The following AFG1L variants were observed in gnomAD, a reference collection of about 807,000 sequenced individuals.
AFG1L encodes the protein AFG1-like ATPase.
AFG1L carries 53 observed loss-of-function variants against 62.2 expected under a neutral mutation model. That is an observed-to-expected ratio of 0.85 (90% CI 0.68 to 1.07). The LOEUF (loss-of-function observed/expected upper bound fraction) is 1.07, where lower values mean the gene tolerates loss of function less well. Among genes scored for constraint, AFG1L ranks in the 50% least tolerant of loss-of-function variants. The pLI is 0.00. For missense variants in AFG1L, 555 were observed against 590.5 expected (o/e 0.94, Z 0.62); for synonymous variants, 228 against 210.3 (o/e 1.08, Z -0.73).
chr6:108,441,693 G>T (rs1406483944), intron 7 of AFG1L, among the ~76,000 whole-genome samples: 1 of 125,400 alleles, frequency 8.0e-6, no homozygotes, highest in African/African-American at 3.7e-5. Flanking sequence ...GAAAATCTGA[G>T]GTTTATTTAA....
chr6:108,427,638 C>T (rs1174629470), intron 7 of AFG1L, among the ~76,000 whole-genome samples: 1 of 151,028 alleles, frequency 6.6e-6, no homozygotes, highest in Non-Finnish European at 1.5e-5. Context: ...TCCCTTGCCT[C>T]AGCCTCCTGA....
chr6:108,345,137 T>C (rs1456074801), intron 2 of AFG1L, among the ~76,000 whole-genome samples: 1 of 152,178 alleles, frequency 6.6e-6, no homozygotes, highest in Non-Finnish European at 1.5e-5. Flanking sequence ...TAGGAAATCA[T>C]TTTTCCTCAA....
At chr6:108,498,664 A>C (rs995608595) in intron 10 of AFG1L, among the ~76,000 whole-genome samples, 4 of 152,234 alleles carry the variant, frequency 2.6e-5, no homozygotes, top group African/African-American at 9.6e-5. Flanking sequence ...GAAGAAAAAT[A>C]AACTTACAAA....
chr6:108,387,485 T>G (rs953404311), intron 6 of AFG1L: 5 of 152,324 alleles, frequency 3.3e-5, no homozygotes, highest in Non-Finnish European at 5.9e-5. Context: ...CTGGCAGAAC[T>G]AGGCCTGTGT....
intron 7 of AFG1L, among the ~76,000 whole-genome samples, chr6:108,425,156 C>T (rs75418998): frequency 0.017 from 2,612 of 152,202 alleles, 38 homozygotes; most frequent in Non-Finnish European, 0.027. Flanking sequence ...AAAGGGATGG[C>T]ACTCTAGGTT....
intron 5 of AFG1L, among the ~76,000 whole-genome samples, chr6:108,358,551 A>T (rs897591034): frequency 1.3e-5 from 2 of 151,782 alleles, no homozygotes; most frequent in African/African-American, 4.8e-5. Context: ...ATTTTTTTTG[A>T]GATGGAGTTT....
At chr6:108,395,403 C>CTTTTTTT (rs71551344) in intron 6 of AFG1L, among the ~76,000 whole-genome samples, 100 of 122,900 alleles carry the variant, frequency 8.1e-4, no homozygotes, top group African/African-American at 1.7e-3. Context: ...CTTTTCTTTT[C>CTTTTTTT]TTTTTTTTTT....
At position 108,524,421 on chromosome 6, in the gene AFG1L, A is replaced by G. The variant is rs941860051; in HGVS notation, c.*1996A>G. 2.0e-5 allele frequency: 3 copies of G among 152,256 alleles called. No individual in the cohort carries two copies. The highest frequency in any genetic ancestry group is 7.2e-5 in the African/African-American group (3 of 41,464). The allele number at this position is 152,256 out of a possible 1,614,324, so 9.4% of individuals were successfully genotyped here. A position where few individuals can be genotyped will look rare whatever the true frequency, so the allele number is the denominator to read the frequency against. ...CTGTCAAGTTATGTTATAAAAGTTC[A>G]TCTGAGGTCAGATATTGGGAATAAA... On this transcript the variant is annotated 3_prime_UTR_variant, in exon 13 of 13. Transcript: ENST00000368977.
chr6:108,400,494 A>G (rs961503384), intron 6 of AFG1L, among the ~76,000 whole-genome samples: 5 of 147,188 alleles, frequency 3.4e-5, no homozygotes, highest in Admixed American at 2.8e-4. Flanking sequence ...TTTTTAGGCA[A>G]TTTCACTTAA....
chr6:108,374,047 G>A (rs1200064107), intron 6 of AFG1L, among the ~76,000 whole-genome samples: 1 of 152,112 alleles, frequency 6.6e-6, no homozygotes, highest in African/African-American at 2.4e-5. Context: ...GTGTGAGATG[G>A]TATCTCATTG....
At chr6:108,466,803 A>C (rs1772691259) in intron 8 of AFG1L, among the ~76,000 whole-genome samples, 1 of 149,634 alleles carries the variant, frequency 6.7e-6, no homozygotes, top group South Asian at 2.1e-4. Flanking sequence ...AACTATATAT[A>C]TATATGTTGT....
intron 7 of AFG1L, among the ~76,000 whole-genome samples, chr6:108,410,415 C>G (rs1182649938): frequency 3.3e-5 from 5 of 152,048 alleles, no homozygotes; most frequent in Non-Finnish European, 7.4e-5. Flanking sequence ...GAAAAGAAGT[C>G]AAGCTGGTCT....
chr6:108,401,778 C>A (rs1473711928), intron 6 of AFG1L, among the ~76,000 whole-genome samples: 2 of 151,804 alleles, frequency 1.3e-5, no homozygotes, highest in South Asian at 2.1e-4. Context: ...GATTGAATAC[C>A]TTTTGATCTT....
chr6:108,468,108 G>A (rs1452495862), intron 8 of AFG1L, among the ~76,000 whole-genome samples: 1 of 152,138 alleles, frequency 6.6e-6, no homozygotes, highest in Non-Finnish European at 1.5e-5. Flanking sequence ...GCCTTCAGAT[G>A]CCTGTTTTTA....
At chr6:108,498,702 C>T (rs1165832119) in intron 10 of AFG1L, among the ~76,000 whole-genome samples, 4 of 152,134 alleles carry the variant, frequency 2.6e-5, no homozygotes, top group Admixed American at 6.5e-5. Flanking sequence ...CGGCCAGGCA[C>T]GGTGGTTCAT....
At chr6:108,418,261 G>C (rs573962314) in intron 7 of AFG1L, among the ~76,000 whole-genome samples, 1 of 152,188 alleles carries the variant, frequency 6.6e-6, no homozygotes, top group Admixed American at 6.6e-5. Flanking sequence ...CCTGCTGCCT[G>C]TTTTTATAAA....
At chr6:108,425,416 A>ATGTG (rs374947584) in intron 7 of AFG1L, among the ~76,000 whole-genome samples, 1 of 150,748 alleles carries the variant, frequency 6.6e-6, no homozygotes, top group Non-Finnish European at 1.5e-5. Flanking sequence ...TAAATAGTGT[A>ATGTG]TGTGTGTGTG....
At chr6:108,441,712 A>AAATATATATATATATAT (rs1401294615) in intron 7 of AFG1L, among the ~76,000 whole-genome samples, 15 of 139,490 alleles carry the variant, frequency 1.1e-4, no homozygotes, top group South Asian at 4.6e-4. Flanking sequence ...AAAAAAAAAA[A>AAATATATATATATATAT]ATATATATAT....
rs1382624228 is a variant in AFG1L, at chr6:108,399,774, T to G, written c.749-2222T>G. 5.0e-5 allele frequency among the ~76,000 whole-genome samples: 6 copies of G among 119,138 alleles called. No homozygotes were observed. The East Asian group carries it at 1.3e-3, about 26-fold the overall frequency. 78.2% of individuals were successfully genotyped at this position (119,138 alleles called of 152,430 possible). The stretch of plus-strand genomic sequence containing the variant: ...TGGGGTGTGGAAGTATCTCTCTTTT[T>G]TTTTTTTTTTTTTTTTTTTTTTGAG... On this transcript the variant is annotated intron_variant, in intron 6 of 12. Coordinates refer to ENST00000368977, the MANE Select transcript of AFG1L (RefSeq NM_145315.5).
Sources: gnomAD v4.1 joint callset for allele counts (sites outside exome capture counted in the v4.1 genomes callset) on GRCh38, gnomAD v4.1.1 for gene constraint, MANE v1.5 for transcripts, NCBI Gene and HGNC (gene_info 2026-07-23, HGNC 2026-07-21) for gene names.